The following KLRG1 variants were observed in gnomAD, a reference collection of about 807,000 sequenced individuals.
The protein encoded by KLRG1 is killer cell lectin-like receptor subfamily G member 1.
KLRG1 carries 16 observed loss-of-function variants against 21.8 expected under a neutral mutation model. The ratio of observed to expected loss-of-function variants is 0.73; its 90% confidence interval spans 0.50 to 1.11. The LOEUF (loss-of-function observed/expected upper bound fraction) is 1.11. Ranked by LOEUF, KLRG1 falls within the 50% of genes most tolerant of loss-of-function variation. The pLI, the probability that KLRG1 is intolerant of heterozygous loss-of-function variation, is 0.00. For missense variants in KLRG1, 173 were observed against 218.3 expected (o/e 0.79, Z 1.31); for synonymous variants, 69 against 75.9 (o/e 0.91, Z 0.47).
At chr12:9,112,545 C>G in the KLRG1 span, 1 of 1,613,302 alleles carries the variant, frequency 6.2e-7, no homozygotes, top group Middle Eastern at 1.7e-4. Flanking sequence ...ACCTGAAATA[C>G]AGGACCGATC....
At chr12:9,018,103 T>C in the KLRG1 span, among the ~76,000 whole-genome samples, 14 of 152,128 alleles carry the variant, frequency 9.2e-5, no homozygotes, top group African/African-American at 3.4e-4. Context: ...TGCAAGAAAT[T>C]GAAGCGAACA....
At chr12:8,999,443 T>C (rs779099795) in intron 3 of KLRG1, among the ~76,000 whole-genome samples, 1 of 152,370 alleles carries the variant, frequency 6.6e-6, no homozygotes, top group Non-Finnish European at 1.5e-5. Context: ...CAACAACCTC[T>C]CATTCAACTT....
chr12:9,032,153 T>C, the KLRG1 span, among the ~76,000 whole-genome samples: 4 of 152,196 alleles, frequency 2.6e-5, no homozygotes, highest in East Asian at 7.7e-4. Flanking sequence ...TTTTTGAGGG[T>C]GCAAAAAGCT....
At chr12:9,041,343 CAAACAAAA>C in the KLRG1 span, among the ~76,000 whole-genome samples, 2 of 152,210 alleles carry the variant, frequency 1.3e-5, no homozygotes, top group Non-Finnish European at 2.9e-5. Context: ...CAAAAACAAA[CAAACAAAA>C]AAACAAAACA....
the KLRG1 span, chr12:9,192,235 C>T: frequency 1.4e-5 from 22 of 1,613,832 alleles, no homozygotes; most frequent in Admixed American, 1.7e-5. Context: ...CCAGATCTGA[C>T]GATGACTCCC....
At chr12:9,178,605 G>A in the KLRG1 span, among the ~76,000 whole-genome samples, 1 of 152,158 alleles carries the variant, frequency 6.6e-6, no homozygotes, top group Admixed American at 6.5e-5. Context: ...TGGTGAAGAA[G>A]GAAAAAGAAA....
downstream of KLRG1, among the ~76,000 whole-genome samples, chr12:9,011,966 G>A (rs750851089): frequency 1.3e-5 from 2 of 152,154 alleles, no homozygotes; most frequent in African/African-American, 4.8e-5. Context: ...CCCAGTGGTC[G>A]GAACCTGAGT....
At chr12:9,133,654 C>T in the KLRG1 span, among the ~76,000 whole-genome samples, 2 of 152,060 alleles carry the variant, frequency 1.3e-5, no homozygotes, top group African/African-American at 4.8e-5. Context: ...AGGGAGAGGG[C>T]AAGTTATACA....
At chr12:9,018,149 T>C in the KLRG1 span, among the ~76,000 whole-genome samples, 1 of 152,282 alleles carries the variant, frequency 6.6e-6, no homozygotes, top group South Asian at 2.1e-4. Context: ...GTTTATGGAT[T>C]GGAAAAATCA....
intron 3 of KLRG1, among the ~76,000 whole-genome samples, chr12:8,998,036 C>T (rs1327238495): frequency 1.3e-5 from 2 of 152,118 alleles, no homozygotes; most frequent in African/African-American, 4.8e-5. Context: ...GAATAAAATT[C>T]AGAGGAATTG....
chr12:9,112,113 C>A, the KLRG1 span: 3 of 1,594,160 alleles, frequency 1.9e-6, no homozygotes, highest in Non-Finnish European at 2.6e-6. Context: ...AGGTTCCCAG[C>A]CTGTTTATAC....
the KLRG1 span, chr12:9,036,898 A>T: frequency 5.9e-6 from 2 of 341,068 alleles, no homozygotes; most frequent in East Asian, 1.7e-4. Context: ...GGGCTACCGG[A>T]TGGGGGACTT....
the KLRG1 span, among the ~76,000 whole-genome samples, chr12:9,055,153 C>T: frequency 6.6e-6 from 1 of 152,118 alleles, no homozygotes; most frequent in Non-Finnish European, 1.5e-5. Context: ...TTTCTAATTC[C>T]ATGAAATTGT....
chr12:9,041,290 G>A, the KLRG1 span, among the ~76,000 whole-genome samples: 2 of 152,176 alleles, frequency 1.3e-5, no homozygotes, highest in Non-Finnish European at 1.5e-5. Context: ...AGCTGAGATC[G>A]CGCCTCTGCA....
intron 1 of KLRG1, among the ~76,000 whole-genome samples, chr12:8,959,560 G>A (rs948097787): frequency 3.3e-5 from 5 of 152,112 alleles, no homozygotes; most frequent in African/African-American, 1.2e-4. Context: ...AGTGTCTGTC[G>A]TTCTCCTCAC....
the KLRG1 span, among the ~76,000 whole-genome samples, chr12:9,089,609 T>C: frequency 0.019 from 2,876 of 152,032 alleles, 42 homozygotes; most frequent in Non-Finnish European, 0.029. Context: ...GGCGTGGTGG[T>C]GCACACCTGT....
At chr12:8,952,268 T>A (rs1946217744) in intron 1 of KLRG1, among the ~76,000 whole-genome samples, 2 of 152,228 alleles carry the variant, frequency 1.3e-5, no homozygotes, top group South Asian at 4.1e-4. Context: ...CTGTTCTGTA[T>A]AATCATAAGA....
chr12:8,983,391 T>TGCCACCACACC (rs1565542663), intron 1 of KLRG1, among the ~76,000 whole-genome samples: 3 of 146,488 alleles, frequency 2.0e-5, no homozygotes, highest in African/African-American at 7.7e-5. Flanking sequence ...TCTTACCATT[T>TGCCACCACACC]TACCTTTTTT....
At chr12:9,195,385 C>T in the KLRG1 span, among the ~76,000 whole-genome samples, 4 of 151,768 alleles carry the variant, frequency 2.6e-5, no homozygotes, top group Non-Finnish European at 1.5e-5. Context: ...TTTCCCTTCC[C>T]CTTCCCCTGG....
Sources: gnomAD v4.1 joint callset for allele counts (sites outside exome capture counted in the v4.1 genomes callset) on GRCh38, gnomAD v4.1.1 for gene constraint, MANE v1.5 for transcripts, NCBI Gene and HGNC (gene_info 2026-07-23, HGNC 2026-07-21) for gene names.